ENPP1: variants seen among roughly 807,000 people sequenced by gnomAD.
The protein encoded by ENPP1 is ectonucleotide pyrophosphatase/phosphodiesterase 1, also known as ectonucleotide pyrophosphatase/phosphodiesterase family member 1.
Under a neutral mutation model 122.8 loss-of-function variants are expected in ENPP1, and 73 were observed. The observed-to-expected ratio is 0.59, with a 90% CI of 0.49 to 0.72. The LOEUF is 0.72. Among genes scored for constraint, ENPP1 ranks in the 30% least tolerant of loss-of-function variants. ENPP1 has a pLI of 0.00. For missense variants in ENPP1, 978 were observed against 1,128.1 expected, an observed-to-expected ratio of 0.87 and a Z score of 1.91; for synonymous variants, 367 against 391.6, an observed-to-expected ratio of 0.94 and a Z score of 0.74.
intron 20 of ENPP1, among the ~76,000 whole-genome samples, chr6:131,880,868 A>C (rs1782296391): frequency 6.6e-6 from 1 of 152,124 alleles, no homozygotes; most frequent in Non-Finnish European, 1.5e-5. Flanking sequence ...CCAACACCAG[A>C]GGAGTTAGGC....
At chr6:131,840,892 A>G (rs1028575913) in intron 1 of ENPP1, among the ~76,000 whole-genome samples, 3 of 152,156 alleles carry the variant, frequency 2.0e-5, no homozygotes, top group Admixed American at 2.0e-4. Flanking sequence ...CAATTTCTTT[A>G]GTTTTAGTGT....
At chr6:131,815,798 G>A (rs545862822) in intron 1 of ENPP1, among the ~76,000 whole-genome samples, 8 of 151,236 alleles carry the variant, frequency 5.3e-5, no homozygotes, top group Non-Finnish European at 1.2e-4. Flanking sequence ...TCTGCCTCCC[G>A]GGTTCAAGTG....
Position 131,875,864 on chromosome 6 carries a change from G to A in ENPP1, c.1723+1G>A, listed in dbSNP as rs779919189. 1 of 1,609,238 alleles carries A rather than the reference G, an allele frequency of 6.2e-7. No homozygotes were observed. Among genetic ancestry groups the A allele is most frequent in the East Asian group, 2.2e-5 (1 of 44,868 alleles). On this transcript the variant is annotated splice_donor_variant, in intron 17 of 24. Coordinates refer to ENST00000647893, the MANE Select transcript of ENPP1 (RefSeq NM_006208.3). LOFTEE classifies it high-confidence loss of function. The stretch of plus-strand genomic sequence containing the variant: ...ATTGAAGTCTATAACTTAATGTGTG[G>A]TAAGTGTGAACAGGTGCCTTTTTTC...
At chr6:131,869,627 G>A (rs1016260696) in intron 13 of ENPP1, 138 bp downstream of exon 13, 41 of 753,872 alleles carry the variant, frequency 5.4e-5, no homozygotes, top group African/African-American at 4.7e-4. Flanking sequence ...TCAGGAGTTC[G>A]AGACCAGCCT....
At chr6:131,869,526 T>C (rs200264797) in intron 13 of ENPP1, 37 bp downstream of exon 13, 2 of 1,601,000 alleles carry the variant, frequency 1.2e-6, no homozygotes, top group East Asian at 2.2e-5. Context: ...AATATGGTCA[T>C]ATTAAGAATA....
chr6:131,873,754 A>C (rs1782192814), intron 15 of ENPP1, among the ~76,000 whole-genome samples: 1 of 152,080 alleles, frequency 6.6e-6, no homozygotes, highest in Non-Finnish European at 1.5e-5. Context: ...GTGAACCAAA[A>C]TTCAGTAAAC....
At chr6:131,863,108 C>T (rs1005381426) in intron 9 of ENPP1, among the ~76,000 whole-genome samples, 1 of 152,052 alleles carries the variant, frequency 6.6e-6, no homozygotes, top group Non-Finnish European at 1.5e-5. Flanking sequence ...ACAATTTTTG[C>T]AAAGATGGTT....
chr6:131,827,634 C>G, intron 1 of ENPP1: 1 of 602,308 alleles, frequency 1.7e-6, no homozygotes, highest in Non-Finnish European at 3.1e-6. Flanking sequence ...TGACTATTAT[C>G]TGCTTCAGAT....
Position 131,892,171 on chromosome 6 carries a change from T to C in ENPP1, c.*1660T>C, listed in dbSNP as rs1478546993. 6.6e-6 allele frequency: 1 copy of C among 152,232 alleles called. No homozygotes were observed. Among genetic ancestry groups the C allele is most frequent in the African/African-American group, 2.4e-5 (1 of 41,470 alleles). 9.4% of individuals were successfully genotyped at this position (152,232 alleles called of 1,614,324 possible). A position where few individuals can be genotyped will look rare whatever the true frequency, so the allele number is the denominator to read the frequency against. ...ATGGTCTTTTTTCCATTCGGAAACA[T>C]TTTCCTGTTTCTTGGTGTGTGGAAT... On this transcript the variant is annotated 3_prime_UTR_variant, in exon 25 of 25. Transcript: ENST00000647893.
At chr6:131,813,542 G>A (rs1781380213) in intron 1 of ENPP1, among the ~76,000 whole-genome samples, 1 of 149,522 alleles carries the variant, frequency 6.7e-6, no homozygotes, top group Admixed American at 6.7e-5. Context: ...AAAAAAAAAA[G>A]GGATGTTGTA....
At chr6:131,867,195 CGTT>C (rs1165533570) in intron 11 of ENPP1, among the ~76,000 whole-genome samples, 2 of 152,096 alleles carry the variant, frequency 1.3e-5, no homozygotes, top group African/African-American at 4.8e-5. Flanking sequence ...GAATGAAAGA[CGTT>C]GTCTTGTTTC....
At chr6:131,882,539 CTACCA>C (rs1782324894) in intron 21 of ENPP1, 65 bp downstream of exon 21, 1 of 1,170,780 alleles carries the variant, frequency 8.5e-7, no homozygotes, top group Non-Finnish European at 1.2e-6. Context: ...TTTATAAATC[CTACCA>C]TACATTATAG....
chr6:131,870,465 T>G (rs1390463561), intron 13 of ENPP1, among the ~76,000 whole-genome samples: 1 of 152,226 alleles, frequency 6.6e-6, no homozygotes, highest in Non-Finnish European at 1.5e-5. Context: ...CCATGATAAC[T>G]TTCAGATGTG....
Position 131,878,526 on chromosome 6 carries a change from T to C in ENPP1, c.1894-16T>C. The C allele has an allele frequency of 1.9e-6, 3 of 1,583,672 alleles. No individual in the cohort carries two copies. Among genetic ancestry groups the C allele is most frequent in the Non-Finnish European group, 2.6e-6 (3 of 1,152,868 alleles). Reference sequence around the variant, plus strand: ...TGTCTCTCAGTCCTTAAAAATAGTTTTATAACCTTTTTTAGATTTTGCCGA... The same window carrying C: ...TGTCTCTCAGTCCTTAAAAATAGTTCTATAACCTTTTTTAGATTTTGCCGA... On this transcript the variant is annotated splice_polypyrimidine_tract_variant and intron_variant, in intron 18 of 24. Transcript: ENST00000647893.
At chr6:131,889,234 A>G (rs35846214) in intron 24 of ENPP1, among the ~76,000 whole-genome samples, 6,261 of 152,184 alleles carry the variant, frequency 0.041, 178 homozygotes, top group African/African-American at 0.078. Context: ...AAAATTTTCA[A>G]CTTTTAAGTT....
intron 1 of ENPP1, among the ~76,000 whole-genome samples, chr6:131,823,917 G>T (rs990056737): frequency 6.6e-6 from 1 of 151,074 alleles, no homozygotes; most frequent in African/African-American, 2.4e-5. Flanking sequence ...TTGTTTTGAG[G>T]GTTAGGTGGA....
chr6:131,865,940 G>C (rs981385586), intron 11 of ENPP1, among the ~76,000 whole-genome samples: 11 of 151,598 alleles, frequency 7.3e-5, no homozygotes, highest in Non-Finnish European at 1.5e-4. Flanking sequence ...AGGTTTCAGT[G>C]AGCCGAGATC....
At chr6:131,825,321 C>A (rs374086366) in intron 1 of ENPP1, among the ~76,000 whole-genome samples, 1 of 152,124 alleles carries the variant, frequency 6.6e-6, no homozygotes, top group African/African-American at 2.4e-5. Flanking sequence ...TGTTAATTGA[C>A]CACTTCGTAA....
intron 1 of ENPP1, among the ~76,000 whole-genome samples, chr6:131,810,677 A>G (rs541050220): frequency 2.7e-4 from 41 of 152,362 alleles, no homozygotes; most frequent in African/African-American, 9.9e-4. Context: ...GCCCAGCACT[A>G]TGATCCTCAG....
Sources: gnomAD v4.1 joint callset for allele counts (sites outside exome capture counted in the v4.1 genomes callset) on GRCh38, gnomAD v4.1.1 for gene constraint, MANE v1.5 for transcripts, NCBI Gene and HGNC (gene_info 2026-07-23, HGNC 2026-07-21) for gene names.